The following MAS1 variants were observed in gnomAD, a reference collection of about 807,000 sequenced individuals.
MAS1 encodes proto-oncogene Mas.
For synonymous variants in MAS1, 163 were observed against 164.2 expected (o/e 0.99, Z 0.05); for missense variants, 387 against 409.7 (o/e 0.94, Z 0.48).
chr6:159,906,696 A>G, intron 2 of MAS1: 1 of 407,248 alleles, frequency 2.5e-6, no homozygotes, highest in South Asian at 3.9e-5. Context: ...CTGGGGATCC[A>G]GAAGGGTCAT....
At chr6:159,888,841 T>C (rs1344488267), upstream of MAS1, among the ~76,000 whole-genome samples, 2 of 152,324 alleles carry the variant, frequency 1.3e-5, no homozygotes, top group South Asian at 2.1e-4. Flanking sequence ...GGGAGAATGA[T>C]TACTCACAAA....
intron 2 of MAS1, among the ~76,000 whole-genome samples, chr6:159,902,959 C>T (rs983546715): frequency 3.3e-5 from 5 of 152,122 alleles, no homozygotes; most frequent in African/African-American, 1.2e-4. Context: ...GTTCTGCTCT[C>T]AGCTCAAATG....
chr6:159,906,663 T>A lies in MAS1; in HGVS notation c.-36-257T>A, dbSNP rs1782890087. The A allele has an allele frequency of 9.9e-6, 3 of 302,772 alleles. No individual in the cohort carries two copies. In the South Asian group the frequency reaches 1.7e-4, roughly 17 times the overall value. The allele number at this position is 302,772 out of a possible 1,614,324, so 18.8% of individuals were successfully genotyped here. On this transcript the variant is annotated intron_variant, in intron 2 of 2. Coordinates refer to ENST00000674077, the MANE Select transcript of MAS1 (RefSeq NM_002377.4). The stretch of plus-strand genomic sequence containing the variant: ...TTGGCACTAAGCCACAAGCACACAA[T>A]GATATAGAATGAATGGTTATCACTG...
rs1462409028 is a variant in MAS1, at chr6:159,914,656, A to G, written c.*6723A>G. 1 of 152,198 alleles carries G rather than the reference A, an allele frequency of 6.6e-6. No individual in the cohort carries two copies. The highest frequency in any genetic ancestry group is 2.4e-5 in the African/African-American group (1 of 41,396). The allele number at this position is 152,198 out of a possible 1,614,324, so 9.4% of individuals were successfully genotyped here. A position where few individuals can be genotyped will look rare whatever the true frequency, so the allele number is the denominator to read the frequency against. Reference sequence around the variant, plus strand: ...GTGGATTGTGCCAGCCAGTCCCTTCACCATGGTGTCCCCACTGATCAGAGC... The same window carrying G: ...GTGGATTGTGCCAGCCAGTCCCTTCGCCATGGTGTCCCCACTGATCAGAGC... On this transcript the variant is annotated 3_prime_UTR_variant, in exon 3 of 3. Transcript: ENST00000674077.
intron 1 of MAS1, among the ~76,000 whole-genome samples, chr6:159,897,416 C>T (rs1241245821): frequency 1.3e-5 from 2 of 152,162 alleles, no homozygotes; most frequent in Non-Finnish European, 2.9e-5. Flanking sequence ...GATTTTACAA[C>T]AGTGATGTTA....
chr6:159,890,278 C>A (rs1472821773), upstream of MAS1, among the ~76,000 whole-genome samples: 2 of 152,122 alleles, frequency 1.3e-5, no homozygotes, highest in African/African-American at 4.8e-5. Flanking sequence ...ACAAAAAATG[C>A]AGAACAGGGA....
upstream of MAS1, among the ~76,000 whole-genome samples, chr6:159,890,354 C>T (rs1782682770): frequency 6.6e-6 from 1 of 152,206 alleles, no homozygotes; most frequent in African/African-American, 2.4e-5. Context: ...CTAACAGAAA[C>T]AGCTACTCCC....
At chr6:159,905,867 C>T (rs1366459527) in intron 2 of MAS1, among the ~76,000 whole-genome samples, 1 of 152,070 alleles carries the variant, frequency 6.6e-6, no homozygotes. Flanking sequence ...CATGGTGAAA[C>T]CCCGTCTCTA....
intron 1 of MAS1, among the ~76,000 whole-genome samples, chr6:159,892,802 G>A (rs1254732170): frequency 1.3e-5 from 2 of 152,140 alleles, no homozygotes; most frequent in Non-Finnish European, 2.9e-5. Context: ...TTCCCTGCTT[G>A]TTGATTCATT....
intron 1 of MAS1, among the ~76,000 whole-genome samples, chr6:159,894,698 GTTGAATGCACTGGCTCCTTTCTC>G (rs1227116260): frequency 6.6e-6 from 1 of 152,232 alleles, no homozygotes; most frequent in African/African-American, 2.4e-5. Flanking sequence ...GCGCTGCGCT[GTTGAATGCACTGGCTCCTTTCTC>G]TTATTTGTTC....
intron 1 of MAS1, among the ~76,000 whole-genome samples, chr6:159,891,713 G>GA (rs1440791755): frequency 6.6e-6 from 1 of 152,166 alleles, no homozygotes; most frequent in Non-Finnish European, 1.5e-5. Flanking sequence ...CTGTTAAAAG[G>GA]AATCTCCTGC....
Position 159,915,112 on chromosome 6 carries a change from G to C in MAS1, c.*7179G>C, listed in dbSNP as rs1783006667. Reference sequence around the variant, plus strand: ...AGAGAATCTTCTATTCTGCCATCTTGTTGAGCTCTCCCAAAATGTCCCCTT... The same window carrying C: ...AGAGAATCTTCTATTCTGCCATCTTCTTGAGCTCTCCCAAAATGTCCCCTT... On this transcript the variant is annotated 3_prime_UTR_variant, in exon 3 of 3. Coordinates refer to ENST00000674077, the MANE Select transcript of MAS1 (RefSeq NM_002377.4). 6.6e-6 allele frequency: 1 copy of C among 152,164 alleles called. No homozygotes were observed. Among genetic ancestry groups the C allele is most frequent in the Non-Finnish European group, 1.5e-5 (1 of 68,040 alleles). The allele number at this position is 152,164 out of a possible 1,614,324, so 9.4% of individuals were successfully genotyped here.
intron 2 of MAS1, among the ~76,000 whole-genome samples, chr6:159,901,718 G>A (rs903010816): frequency 1.4e-4 from 21 of 152,042 alleles, no homozygotes; most frequent in Non-Finnish European, 2.1e-4. Flanking sequence ...GCCAGGTGTG[G>A]TAGCATGCAC....
intron 2 of MAS1, among the ~76,000 whole-genome samples, chr6:159,906,207 C>T (rs1420223527): frequency 6.6e-6 from 1 of 152,188 alleles, no homozygotes. Context: ...CACCATCTGG[C>T]CTGTGGTCTG....
rs1282726765 is a variant in MAS1 at position 159,911,043 on chromosome 6, C to G, written c.*3110C>G. 6.6e-6 allele frequency: 1 copy of G among 152,180 alleles called. No homozygotes were observed. Among genetic ancestry groups the G allele is most frequent in the Non-Finnish European group, 1.5e-5 (1 of 68,040 alleles). 9.4% of individuals were successfully genotyped at this position (152,180 alleles called of 1,614,324 possible). On this transcript the variant is annotated 3_prime_UTR_variant, in exon 3 of 3. Coordinates refer to ENST00000674077, the MANE Select transcript of MAS1 (RefSeq NM_002377.4). ...CCTATCTTCCTGATTGGAATCTTCT[C>G]ACTTCTTTCCTCCCTCTTCTACTGC...
rs920833717 is a variant in MAS1, at chr6:159,909,615, G to A, written c.*1682G>A. On this transcript the variant is annotated 3_prime_UTR_variant, in exon 3 of 3. Transcript: ENST00000674077. ...GATCTTGTTTTTGGTTGAAAACAGA[G>A]CATTTTCCCTGGGAAAGAACAGAAT... 1.3e-5 allele frequency: 2 copies of A among 152,164 alleles called. No individual in the cohort carries two copies. Among genetic ancestry groups the A allele is most frequent in the African/African-American group, 2.4e-5 (1 of 41,444 alleles). The allele number at this position is 152,164 out of a possible 1,614,324, so 9.4% of individuals were successfully genotyped here. A position where few individuals can be genotyped will look rare whatever the true frequency, so the allele number is the denominator to read the frequency against.
At chr6:159,891,190 T>C (rs955613538) in intron 1 of MAS1, among the ~76,000 whole-genome samples, 57 bp downstream of exon 1, 1 of 152,178 alleles carries the variant, frequency 6.6e-6, no homozygotes, top group Admixed American at 6.5e-5. Flanking sequence ...CAGAGTAAGA[T>C]TTTCTCTCTT....
chr6:159,896,854 G>T (rs1012528012), intron 1 of MAS1, among the ~76,000 whole-genome samples: 3 of 141,816 alleles, frequency 2.1e-5, no homozygotes, highest in East Asian at 6.5e-4. Context: ...CAGAGACTGG[G>T]TTTTTTTGTT....
Position 159,916,106 on chromosome 6 carries a change from A to C in MAS1, c.*8173A>C, listed in dbSNP as rs1188897462. On this transcript the variant is annotated 3_prime_UTR_variant, in exon 3 of 3. Coordinates refer to ENST00000674077, the MANE Select transcript of MAS1 (RefSeq NM_002377.4). ...CAATGGCATCTGCTATCATGGAATT[A>C]AAGTAACCTACCCCACGAAGTAGCT... 2 of 152,252 alleles carry C rather than the reference A, an allele frequency of 1.3e-5. No individual in the cohort carries two copies. The highest frequency in any genetic ancestry group is 2.9e-5 in the Non-Finnish European group (2 of 68,048). The allele number at this position is 152,252 out of a possible 1,614,324, so 9.4% of individuals were successfully genotyped here. A position where few individuals can be genotyped will look rare whatever the true frequency, so the allele number is the denominator to read the frequency against.
Sources: allele counts gnomAD v4.1 joint callset (sites outside exome capture counted in the v4.1 genomes callset), GRCh38; gene constraint gnomAD v4.1.1; transcripts MANE v1.5; gene names NCBI Gene and HGNC (gene_info 2026-07-23, HGNC 2026-07-21).